The following NTM variants were observed in gnomAD, a reference collection of about 807,000 sequenced individuals.
The protein encoded by NTM is IgLON family member 2.
Under a neutral mutation model 42.1 loss-of-function variants are expected in NTM, and 13 were observed. That is an observed-to-expected ratio of 0.31 (90% confidence interval 0.20 to 0.49). The LOEUF is 0.49. Ranked by LOEUF, NTM falls within the 20% of genes least tolerant of loss-of-function variation. The pLI, the probability that NTM is intolerant of heterozygous loss-of-function variation, is 0.99. For synonymous variants in NTM, 187 were observed against 179.2 expected, an observed-to-expected ratio of 1.04 and a Z score of -0.35; for missense variants, 373 against 452.8, an observed-to-expected ratio of 0.82 and a Z score of 1.60.
intron 1 of NTM, among the ~76,000 whole-genome samples, chr11:131,874,043 A>G (rs1219448158): frequency 2.2e-5 from 1 of 45,862 alleles, no homozygotes; most frequent in African/African-American, 2.2e-4. Flanking sequence ...ATATATATAT[A>G]TATATATATA....
At chr11:131,812,682 G>T (rs746913) in intron 1 of NTM, among the ~76,000 whole-genome samples, 20,424 of 152,038 alleles carry the variant, frequency 0.13, 2,171 homozygotes, top group African/African-American at 0.3. Context: ...GAGGGGAGCT[G>T]TCTGATAAAC....
chr11:131,664,967 C>T (rs968935323), intron 1 of NTM, among the ~76,000 whole-genome samples: 2 of 152,118 alleles, frequency 1.3e-5, no homozygotes, highest in Non-Finnish European at 1.5e-5. Flanking sequence ...ATCCTCCGCG[C>T]TTCTGCTGGG....
chr11:132,017,981 C>T (rs1482882391), intron 2 of NTM, among the ~76,000 whole-genome samples: 1 of 151,972 alleles, frequency 6.6e-6, no homozygotes, highest in African/African-American at 2.4e-5. Context: ...TTTCCTGAAA[C>T]CTTGCTAAAT....
At chr11:132,215,313 AT>A (rs1336421103) in intron 4 of NTM, among the ~76,000 whole-genome samples, 2 of 152,142 alleles carry the variant, frequency 1.3e-5, no homozygotes, top group South Asian at 4.1e-4. Flanking sequence ...ACTTCATTGC[AT>A]TTTTTCTCTC....
intron 2 of NTM, among the ~76,000 whole-genome samples, chr11:131,919,049 G>A (rs1235749580): frequency 6.6e-6 from 1 of 151,950 alleles, no homozygotes; most frequent in African/African-American, 2.4e-5. Context: ...GGATTCTACA[G>A]GCCAGTCAGT....
At chr11:131,490,585 T>C (rs1954673552) in intron 1 of NTM, among the ~76,000 whole-genome samples, 1 of 152,124 alleles carries the variant, frequency 6.6e-6, no homozygotes, top group Admixed American at 6.6e-5. Flanking sequence ...CTTATCTGCT[T>C]ATGTTTTGGG....
At chr11:131,586,849 C>T in intron 1 of NTM, among the ~76,000 whole-genome samples, 1 of 152,178 alleles carries the variant, frequency 6.6e-6, no homozygotes, top group African/African-American at 2.4e-5. Context: ...GTTTTCAACT[C>T]TTTGGAAAGA....
At chr11:131,379,444 C>T (rs1279390890) in intron 1 of NTM, among the ~76,000 whole-genome samples, 1 of 152,182 alleles carries the variant, frequency 6.6e-6, no homozygotes, top group East Asian at 1.9e-4. Context: ...GCTCCTAACA[C>T]AGCGGCTCCA....
intron 2 of NTM, among the ~76,000 whole-genome samples, chr11:132,121,403 T>C (rs1321606142): frequency 6.6e-6 from 1 of 151,980 alleles, no homozygotes; most frequent in Admixed American, 6.6e-5. Context: ...AATATGAATC[T>C]CGTATAAGAC....
At chr11:131,689,134 C>T (rs947064575) in intron 1 of NTM, among the ~76,000 whole-genome samples, 9 of 152,092 alleles carry the variant, frequency 5.9e-5, no homozygotes, top group East Asian at 1.9e-4. Context: ...GGATGTCTCC[C>T]TACCCGGAGC....
chr11:131,408,008 TG>T (rs1322681872), intron 1 of NTM, among the ~76,000 whole-genome samples: 1 of 152,240 alleles, frequency 6.6e-6, no homozygotes, highest in South Asian at 2.1e-4. Context: ...GACTTCTTAT[TG>T]AATTATGCAA....
chr11:131,879,184 T>C (rs540984959), intron 1 of NTM, among the ~76,000 whole-genome samples: 57 of 152,312 alleles, frequency 3.7e-4, no homozygotes, highest in African/African-American at 1.2e-3. Flanking sequence ...AGGCTTCTCA[T>C]TCTGTAAAAT....
At chr11:132,222,446 G>A (rs1487534496) in intron 4 of NTM, among the ~76,000 whole-genome samples, 2 of 152,180 alleles carry the variant, frequency 1.3e-5, no homozygotes, top group Non-Finnish European at 2.9e-5. Context: ...CAGGGTATGT[G>A]TGTCCTTTCT....
chr11:131,735,835 G>GGGGT (rs1491265028), intron 1 of NTM, among the ~76,000 whole-genome samples: 4,343 of 121,360 alleles, frequency 0.036, 73 homozygotes, highest in South Asian at 0.064. Context: ...CCATTCATAA[G>GGGGT]GTGTGTGTGT....
At chr11:131,522,844 A>G (rs2049940137) in intron 1 of NTM, among the ~76,000 whole-genome samples, 2 of 152,238 alleles carry the variant, frequency 1.3e-5, no homozygotes, top group Admixed American at 1.3e-4. Context: ...CGTTAAAATC[A>G]CTTAGCAGCC....
intron 1 of NTM, among the ~76,000 whole-genome samples, chr11:131,511,510 G>T (rs764580965): frequency 6.6e-6 from 1 of 152,192 alleles, no homozygotes. Flanking sequence ...CAATGCTAGT[G>T]CCTCCAAACT....
At chr11:132,028,670 C>G (rs1480518763) in intron 2 of NTM, among the ~76,000 whole-genome samples, 1 of 152,098 alleles carries the variant, frequency 6.6e-6, no homozygotes, top group Non-Finnish European at 1.5e-5. Flanking sequence ...TGCTTTTCTT[C>G]CCCCGCTCAG....
chr11:131,577,546 A>G (rs2058043205), intron 1 of NTM, among the ~76,000 whole-genome samples: 1 of 152,178 alleles, frequency 6.6e-6, no homozygotes, highest in Non-Finnish European at 1.5e-5. Context: ...TGTATTTTGC[A>G]TTTCACTTTT....
chr11:131,404,628 ATG>A (rs1290418099), intron 1 of NTM, among the ~76,000 whole-genome samples: 1 of 152,046 alleles, frequency 6.6e-6, no homozygotes, highest in Non-Finnish European at 1.5e-5. Context: ...CACACTTAAT[ATG>A]TGATTTTGTT....
Sources: gnomAD v4.1 joint callset for allele counts (sites outside exome capture counted in the v4.1 genomes callset) on GRCh38, gnomAD v4.1.1 for gene constraint, MANE v1.5 for transcripts, NCBI Gene and HGNC (gene_info 2026-07-23, HGNC 2026-07-21) for gene names.